HEG1: variants seen among roughly 807,000 people sequenced by gnomAD.
The protein encoded by HEG1 is protein HEG homolog 1.
HEG1 carries 56 observed loss-of-function variants against 125.6 expected under a neutral mutation model. The observed-to-expected ratio is 0.45, with a 90% CI of 0.36 to 0.56. The LOEUF is 0.56. HEG1 is among the 20% of genes least tolerant of loss of function. The pLI is 0.00. For synonymous variants in HEG1, 644 were observed against 668.5 expected, an observed-to-expected ratio of 0.96 and a Z score of 0.57; for missense variants, 1,523 against 1,670.0, an observed-to-expected ratio of 0.91 and a Z score of 1.53.
chr3:125,005,294 G>A lies in HEG1; in HGVS notation c.3268C>T (p.Gln1090Ter), dbSNP rs1233522136. ...TTGGTGATCTCATTTTCAACTTCTT[G>A]TAGGTCTGAATGTTTTTCCACAGTT... is the stretch of plus-strand genomic sequence containing the variant. The part of the protein sequence containing the change: ...NTTVEKHSDL[Q>*]EVENEITKTL... The change falls in exon 9 of 17, where the codon CAA (glutamine) becomes TAA (stop). Residue 1090 changes from glutamine (Q) to a stop codon, truncating the protein, a stop_gained. Transcript: ENST00000311127. LOFTEE classifies it high-confidence loss of function. 3 of 1,599,510 alleles carry A rather than the reference G, an allele frequency of 1.9e-6. No individual in the cohort carries two copies. The highest frequency in any genetic ancestry group is 1.7e-4 in the Middle Eastern group (1 of 6,044).
chr3:124,988,807 C>G (rs1936786349), intron 14 of HEG1, among the ~76,000 whole-genome samples: 1 of 152,190 alleles, frequency 6.6e-6, no homozygotes, highest in South Asian at 2.1e-4. Context: ...GTCCCAGCTA[C>G]TTGGGAGACT....
chr3:125,038,787 G>T (rs1202116901), intron 1 of HEG1, among the ~76,000 whole-genome samples: 1 of 152,156 alleles, frequency 6.6e-6, no homozygotes, highest in Non-Finnish European at 1.5e-5. Flanking sequence ...CTTATTCTTG[G>T]TGGAGAAGAG....
At chr3:125,017,028 A>T (rs1170417698) in intron 5 of HEG1, among the ~76,000 whole-genome samples, 3 of 151,974 alleles carry the variant, frequency 2.0e-5, no homozygotes, top group East Asian at 3.9e-4. Flanking sequence ...TATATATTTG[A>T]TAAAGGACTG....
At chr3:125,043,902 G>A (rs901054293) in intron 1 of HEG1, among the ~76,000 whole-genome samples, 6 of 152,140 alleles carry the variant, frequency 3.9e-5, no homozygotes, top group Non-Finnish European at 7.4e-5. Context: ...GGAGGGGCGG[G>A]AGGAAACGGG....
rs1937925967 is a variant in HEG1, at chr3:125,055,784, G to A, written c.107C>T (p.Ser36Phe). The change falls in exon 1 of 17, where the codon TCC (serine) becomes TTC (phenylalanine). Residue 36 changes from serine to phenylalanine, a missense_variant. Transcript: ENST00000311127. ...CAGGCTCAGCGCGCGGCGAGCCGGG[G>A]AAGGCGGCGGGTCCCGCGTCCCGGG... ...AAPGTRDPPP[S>F]PARRALSLAP... The A allele has an allele frequency of 2.0e-6, 2 of 990,358 alleles. No individual in the cohort carries two copies. The highest frequency in any genetic ancestry group is 3.5e-5 in the African/African-American group (2 of 56,906). 61.3% of individuals were successfully genotyped at this position (990,358 alleles called of 1,614,324 possible).
intron 5 of HEG1, chr3:125,014,814 G>A (rs1308351419): frequency 6.2e-6 from 8 of 1,289,846 alleles, no homozygotes; most frequent in Admixed American, 2.3e-5. Flanking sequence ...GTGCATGGCC[G>A]CTGCAGGGCT....
At chr3:125,040,316 G>A (rs1937583861) in intron 1 of HEG1, among the ~76,000 whole-genome samples, 1 of 152,188 alleles carries the variant, frequency 6.6e-6, no homozygotes. Context: ...AGAAGAGCCA[G>A]TGACAGAGAC....
In HEG1 at chr3:125,055,575, C is replaced by T. The variant is rs1444946342; in HGVS notation, c.316G>A (p.Asp106Asn). The change falls in exon 1 of 17, where the codon GAT becomes AAT. Residue 106 changes from aspartate to asparagine, a missense_variant and splice_region_variant. By Grantham distance (23) the Asp-to-Asn change is conservative (BLOSUM62 1). Transcript: ENST00000311127. ...CGCCAGGTTCCCGGCTCTCACTCAC[C>T]CGCGCTCCCGCCTCTGGGGGCCCGG... ...SGRAPRGGSA[D>N]AAWKHWPESN... 1.7e-6 allele frequency: 2 copies of T among 1,204,900 alleles called. No homozygotes were observed. The highest frequency in any genetic ancestry group is 4.2e-5 in the South Asian group (1 of 24,074). 74.6% of individuals were successfully genotyped at this position (1,204,900 alleles called of 1,614,324 possible). A position where few individuals can be genotyped will look rare whatever the true frequency, so the allele number is the denominator to read the frequency against.
rs1936384306 is a variant in HEG1 at position 124,969,402 on chromosome 3, C to T, written c.*1250G>A. The T allele has an allele frequency of 6.6e-6, 1 of 152,202 alleles. No individual in the cohort carries two copies. The highest frequency in any genetic ancestry group is 1.5e-5 in the Non-Finnish European group (1 of 68,052). The allele number at this position is 152,202 out of a possible 1,614,324, so 9.4% of individuals were successfully genotyped here. A position where few individuals can be genotyped will look rare whatever the true frequency, so the allele number is the denominator to read the frequency against. ...TCTCCCACACTGACTGGAAGTATAACCACGTTTCTGGAGGGTGCGACATAG... is the reference window on the plus strand; with the variant it reads ...TCTCCCACACTGACTGGAAGTATAATCACGTTTCTGGAGGGTGCGACATAG... On this transcript the variant is annotated 3_prime_UTR_variant, in exon 17 of 17. Transcript: ENST00000311127.
intron 8 of HEG1, among the ~76,000 whole-genome samples, 178 bp from the exon 9 acceptor site, chr3:125,005,546 G>A (rs565388429): frequency 6.6e-6 from 1 of 152,298 alleles, no homozygotes; most frequent in African/African-American, 2.4e-5. Context: ...CTAGCAAAGT[G>A]AGCATCTACT....
intron 5 of HEG1, 128 bp from the exon 6 acceptor site, chr3:125,014,118 G>T: frequency 1.1e-6 from 1 of 906,038 alleles, no homozygotes; most frequent in Non-Finnish European, 1.6e-6. Context: ...TTGCTTTGGA[G>T]AGGTGGTTTT....
At chr3:124,993,317 GT>G (rs1936862311) in intron 12 of HEG1, among the ~76,000 whole-genome samples, 1 of 152,304 alleles carries the variant, frequency 6.6e-6, no homozygotes, top group East Asian at 1.9e-4. Flanking sequence ...TATCAAATCA[GT>G]TTTCACTAGG....
rs545078216 is a variant in HEG1 at position 124,990,078 on chromosome 3, C to T, written c.3733+709G>A. 6.6e-5 allele frequency among the ~76,000 whole-genome samples: 10 copies of T among 152,256 alleles called. No individual in the cohort carries two copies. In the South Asian group the frequency reaches 1.5e-3, roughly 22 times the overall value. ...CCCTCTGCCTGGGATGTCCTCCCCC[C>T]ATACCCGCCAGTCTAAATCTTTCCT... On this transcript the variant is annotated intron_variant, in intron 14 of 16. Coordinates refer to ENST00000311127, the MANE Select transcript of HEG1 (RefSeq NM_020733.2).
chr3:125,013,575 A>AGAGCAGGAGGAGGAAGAG lies in HEG1; in HGVS notation c.2003_2004insCTCTTCCTCCTCCTGCTC (p.Ser672_Gly673insCysSerSerSerSerSer). 1 of 1,577,716 alleles carries AGAGCAGGAGGAGGAAGAG rather than the reference A, an allele frequency of 6.3e-7. No individual in the cohort carries two copies. The highest frequency in any genetic ancestry group is 1.1e-5 in the South Asian group (1 of 87,074). On this transcript the variant is annotated inframe_insertion, in exon 6 of 17. Coordinates refer to ENST00000311127, the MANE Select transcript of HEG1 (RefSeq NM_020733.2). ...GCAAAGGAGGCCCTGAAGAAGAAGAAGAGGAGGAGGAGGAAGAGGAGGAGG... is the reference window on the plus strand; with the variant it reads ...GCAAAGGAGGCCCTGAAGAAGAAGAAGAGCAGGAGGAGGAAGAGGAGGAGGAGGAGGAAGAGGAGGAGG...
intron 12 of HEG1, among the ~76,000 whole-genome samples, chr3:124,993,831 G>A (rs1936872098): frequency 6.6e-6 from 1 of 152,152 alleles, no homozygotes; most frequent in Non-Finnish European, 1.5e-5. Flanking sequence ...CTGATGGGTT[G>A]GGCTGTTTTC....
rs1358404862 is a variant in HEG1 at position 125,055,932 on chromosome 3, G to A, written c.-42C>T. 4.6e-5 allele frequency: 28 copies of A among 610,346 alleles called. No individual in the cohort carries two copies. In the Admixed American group the frequency reaches 1.7e-3, roughly 37 times the overall value. 37.8% of individuals were successfully genotyped at this position (610,346 alleles called of 1,614,324 possible). A position where few individuals can be genotyped will look rare whatever the true frequency, so the allele number is the denominator to read the frequency against. On this transcript the variant is annotated 5_prime_UTR_variant, in exon 1 of 17. Transcript: ENST00000311127. ...CGCGCTCACATGCCCGGCGCGCGGGGCGAGGGCAGCGGGCAGCGGGCAGCG... is the reference window on the plus strand; with the variant it reads ...CGCGCTCACATGCCCGGCGCGCGGGACGAGGGCAGCGGGCAGCGGGCAGCG...
rs1937748903 is a variant in HEG1 at position 125,049,222 on chromosome 3, G to A, written c.316+6353C>T. On this transcript the variant is annotated intron_variant, in intron 1 of 16. Transcript: ENST00000311127. ...TTTAACTTGGATAGTTTCCAGATGA[G>A]AGGACAAATCAAGACAGAAAGCAGA... 2.6e-5 allele frequency among the ~76,000 whole-genome samples: 4 copies of A among 152,188 alleles called. No individual in the cohort carries two copies. The South Asian group carries it at 8.3e-4, about 32-fold the overall frequency.
At chr3:125,011,422 G>T (rs1293869362) in intron 6 of HEG1, among the ~76,000 whole-genome samples, 1 of 152,210 alleles carries the variant, frequency 6.6e-6, no homozygotes, top group Non-Finnish European at 1.5e-5. Context: ...CAGTGAATCT[G>T]CCCCTAATAC....
At chr3:125,033,912 T>C (rs1178851581) in intron 1 of HEG1, among the ~76,000 whole-genome samples, 2 of 152,208 alleles carry the variant, frequency 1.3e-5, no homozygotes, top group African/African-American at 2.4e-5. Context: ...TATGAGAATC[T>C]AATGCCTGAT....
Sources: gnomAD v4.1 joint callset for allele counts (sites outside exome capture counted in the v4.1 genomes callset) on GRCh38, gnomAD v4.1.1 for gene constraint, MANE v1.5 for transcripts, NCBI Gene and HGNC (gene_info 2026-07-23, HGNC 2026-07-21) for gene names.